REL: variants seen among roughly 807,000 people sequenced by gnomAD.
REL encodes the protein proto-oncogene c-Rel.
Under a neutral mutation model 45.9 loss-of-function variants are expected in REL, and 15 were observed. The observed-to-expected ratio is 0.33, with a 90% CI of 0.22 to 0.50. The LOEUF (loss-of-function observed/expected upper bound fraction) is 0.50. REL is among the 20% of genes least tolerant of loss of function. REL has a pLI of 0.98. For missense variants in REL, 601 were observed against 715.2 expected, an observed-to-expected ratio of 0.84 and a Z score of 1.82; for synonymous variants, 239 against 242.1, an observed-to-expected ratio of 0.99 and a Z score of 0.12.
chr2:60,917,042 T>G (rs753473951), intron 5 of REL, 25 bp downstream of exon 5: 1 of 1,587,296 alleles, frequency 6.3e-7, no homozygotes, highest in Non-Finnish European at 8.6e-7. Context: ...TTCTTATATT[T>G]GTAGTCTTAA....
intron 3 of REL, among the ~76,000 whole-genome samples, chr2:60,898,703 A>T (rs1673420627): frequency 6.6e-6 from 1 of 152,226 alleles, no homozygotes; most frequent in Non-Finnish European, 1.5e-5. Context: ...GTAGCATGAA[A>T]GCAGCCATAG....
intron 4 of REL, among the ~76,000 whole-genome samples, chr2:60,908,971 A>C (rs1225209598): frequency 2.0e-5 from 3 of 152,204 alleles, no homozygotes; most frequent in Admixed American, 2.0e-4. Context: ...TGAAAACTTA[A>C]AGTTTGAAAA....
intron 3 of REL, among the ~76,000 whole-genome samples, chr2:60,896,890 T>C (rs1000422076): frequency 6.6e-6 from 1 of 152,200 alleles, no homozygotes; most frequent in Admixed American, 6.5e-5. Flanking sequence ...CCATTAAGGA[T>C]TACACACTAT....
In REL at chr2:60,914,595, A is replaced by G. The variant is rs562059872; in HGVS notation, c.395-2282A>G. On this transcript the variant is annotated intron_variant, in intron 4 of 9. Transcript: ENST00000394479. ...GAATATGTCCTGCTACATAACCACAATCAAGCTATGGAACATTTCCATCAC... is the reference window on the plus strand; with the variant it reads ...GAATATGTCCTGCTACATAACCACAGTCAAGCTATGGAACATTTCCATCAC... Among the ~76,000 whole-genome samples, 35 of 152,288 alleles carry G rather than the reference A, an allele frequency of 2.3e-4. 1 individual carries two copies. The South Asian group carries it at 7.0e-3, about 31-fold the overall frequency.
At position 60,927,513 on chromosome 2, in the gene REL, C is replaced by T. The variant is rs1310368677; in HGVS notation, c.*4978C>T. ...ATAGCCCTGACCTTGCTACTTCTCT[C>T]CACTTTATGTGGCAGGTTTAATCTC... is the stretch of plus-strand genomic sequence containing the variant. On this transcript the variant is annotated 3_prime_UTR_variant, in exon 10 of 10. Transcript: ENST00000394479. The T allele has an allele frequency of 4.4e-6, 1 of 229,088 alleles. No homozygotes were observed. Among genetic ancestry groups the T allele is most frequent in the Non-Finnish European group, 8.7e-6 (1 of 115,410 alleles). The allele number at this position is 229,088 out of a possible 1,614,324, so 14.2% of individuals were successfully genotyped here.
intron 9 of REL, among the ~76,000 whole-genome samples, 199 bp from the exon 10 acceptor site, chr2:60,921,564 G>A (rs2103988090): frequency 6.6e-6 from 1 of 152,098 alleles, no homozygotes; most frequent in South Asian, 2.1e-4. Context: ...TTTGTAAAAT[G>A]GTATATACGT....
chr2:60,910,991 T>C (rs1673798727), intron 4 of REL, among the ~76,000 whole-genome samples: 1 of 152,184 alleles, frequency 6.6e-6, no homozygotes. Flanking sequence ...CACTGCATTT[T>C]GTATTATAGA....
chr2:60,882,987 G>C (rs1282083357), intron 1 of REL, among the ~76,000 whole-genome samples: 2 of 152,152 alleles, frequency 1.3e-5, no homozygotes, highest in Admixed American at 1.3e-4. Flanking sequence ...TTAAGGTTGA[G>C]GGGGACGGGA....
Position 60,916,961 on chromosome 2 carries a change from A to T in REL, c.479A>T (p.His160Leu), listed in dbSNP as rs771219162. The change falls in exon 5 of 10, where the codon CAT becomes CTT. Residue 160 changes from histidine (H) to leucine (L), a missense_variant. This residue lies in a region of REL where 241 missense variants were observed against 347.0 expected (regional missense o/e 0.69). Transcript: ENST00000394479. Reference sequence around the variant, plus strand: ...TTTCAAGTTTTTCTCCCTGATGAACATGGTAATTTGACGACTGCTCTTCCT... The same window carrying T: ...TTTCAAGTTTTTCTCCCTGATGAACTTGGTAATTTGACGACTGCTCTTCCT... ...LCFQVFLPDEHGNLTTALPPV... is the reference protein window; with the variant it reads ...LCFQVFLPDELGNLTTALPPV... The T allele has an allele frequency of 1.9e-6, 3 of 1,613,534 alleles. No individual in the cohort carries two copies. The highest frequency in any genetic ancestry group is 1.1e-5 in the South Asian group (1 of 91,052).
In REL at chr2:60,921,909, T is replaced by C; in HGVS notation, c.1138T>C (p.Trp380Arg). 1 of 1,614,130 alleles carries C rather than the reference T, an allele frequency of 6.2e-7. No individual in the cohort carries two copies. Among genetic ancestry groups the C allele is most frequent in the Admixed American group, 1.7e-5 (1 of 60,004 alleles). The change falls in exon 10 of 10, where the codon TGG becomes CGG. Residue 380 changes from tryptophan (W) to arginine (R), a missense_variant. Around this residue, in one of 4 missense-constraint regions of REL, gnomAD observed 334 missense variants for 333.1 expected, o/e 1.00. Transcript: ENST00000394479. ...AATGGCACCTCTGCCTTCTTCAAGC[T>C]GGTCATCAGTGGCCCACCCCACCCC... ...ASMAPLPSSSWSSVAHPTPRS... is the reference protein window; with the variant it reads ...ASMAPLPSSSRSSVAHPTPRS...
intron 8 of REL, 121 bp from the exon 9 acceptor site, chr2:60,920,453 G>A: frequency 1.3e-6 from 1 of 747,678 alleles, no homozygotes; most frequent in Non-Finnish European, 2.4e-6. Context: ...CACCCACCTT[G>A]GCCTCCCAAA....
In REL at chr2:60,926,136, C is replaced by A; in HGVS notation, c.*3601C>A. The A allele has an allele frequency of 4.3e-6, 1 of 231,718 alleles. No homozygotes were observed. The highest frequency in any genetic ancestry group is 8.6e-6 in the Non-Finnish European group (1 of 116,772). The allele number at this position is 231,718 out of a possible 1,614,324, so 14.4% of individuals were successfully genotyped here. On this transcript the variant is annotated 3_prime_UTR_variant, in exon 10 of 10. Coordinates refer to ENST00000394479, the MANE Select transcript of REL (RefSeq NM_001291746.2). ...CTGAACTCTACTTGTGCACTGGATCCCTCCTCCTTTCTCTGCCAGGCTGTG... is the reference window on the plus strand; with the variant it reads ...CTGAACTCTACTTGTGCACTGGATCACTCCTCCTTTCTCTGCCAGGCTGTG...
chr2:60,920,043 A>G lies in REL; in HGVS notation c.856A>G (p.Thr286Ala), dbSNP rs1674095130. ...TTTCCTGGTTTCTTTCTAATCAGAT[A>G]CTTACGGCAATAAAGCAAAGAAACA... ...DFRYLPDEKD[T>A]YGNKAKKQKT... The change falls in exon 8 of 10, where the codon ACT becomes GCT. Residue 286 changes from threonine to alanine, a missense_variant and splice_region_variant. Thr to Ala is a moderately conservative substitution (Grantham distance 58). This residue lies in a region of REL where 241 missense variants were observed against 347.0 expected (regional missense o/e 0.69). Coordinates refer to ENST00000394479, the MANE Select transcript of REL (RefSeq NM_001291746.2). 1.2e-6 allele frequency: 2 copies of G among 1,606,120 alleles called. No homozygotes were observed. Among genetic ancestry groups the G allele is most frequent in the African/African-American group, 1.3e-5 (1 of 74,632 alleles).
intron 3 of REL, chr2:60,899,995 C>T (rs1264986957): frequency 2.0e-5 from 3 of 152,052 alleles, no homozygotes; most frequent in Middle Eastern, 3.2e-3. Context: ...GAATTCAGGG[C>T]TCAAAAAGCA....
rs1414699898 is a variant in REL, at chr2:60,894,468, T to C, written c.225T>C (p.His75=). ...LVTKNDPYKP[H]PHDLVGKDCR... ...CAAAGAATGACCCATATAAACCTCA[T>C]CCTCATGATTTAGTTGGAAAAGACT... Residue 75 remains histidine (H), a synonymous_variant, in exon 3 of 10, where the codon CAT becomes CAC. Coordinates refer to ENST00000394479, the MANE Select transcript of REL (RefSeq NM_001291746.2). 2 of 1,609,086 alleles carry C rather than the reference T, an allele frequency of 1.2e-6. No individual in the cohort carries two copies. The highest frequency in any genetic ancestry group is 1.1e-5 in the South Asian group (1 of 90,374).
At position 60,901,196 on chromosome 2, in the gene REL, G is replaced by A. The variant is rs558092106; in HGVS notation, c.394+113G>A. The A allele has an allele frequency of 1.3e-3, 1,593 of 1,259,046 alleles. 4 individuals are homozygous for A. Among genetic ancestry groups the A allele is most frequent in the Non-Finnish European group, 1.5e-3 (1,459 of 1,001,202 alleles). The allele number at this position is 1,259,046 out of a possible 1,614,324, so 78.0% of individuals were successfully genotyped here. A position where few individuals can be genotyped will look rare whatever the true frequency, so the allele number is the denominator to read the frequency against. Reference sequence around the variant, plus strand: ...TTTGAGACGGAGTTTTGCTCTTGTCGCCAGGCTGGAGTGCAATGGCGCGAT... The same window carrying A: ...TTTGAGACGGAGTTTTGCTCTTGTCACCAGGCTGGAGTGCAATGGCGCGAT... On this transcript the variant is annotated intron_variant, in intron 4 of 9. Transcript: ENST00000394479.
At chr2:60,903,441 A>G (rs1182240036) in intron 4 of REL, among the ~76,000 whole-genome samples, 3 of 151,850 alleles carry the variant, frequency 2.0e-5, no homozygotes, top group Non-Finnish European at 1.5e-5. Flanking sequence ...TGATGTGATC[A>G]CAGCTCACTG....
At chr2:60,917,335 C>T (rs547012321) in intron 5 of REL, among the ~76,000 whole-genome samples, 1 of 152,182 alleles carries the variant, frequency 6.6e-6, no homozygotes, top group Non-Finnish European at 1.5e-5. Context: ...TAACTTTCTT[C>T]TTACCATATA....
chr2:60,881,942 G>C, intron 1 of REL, 92 bp downstream of exon 1: 1 of 840,458 alleles, frequency 1.2e-6, no homozygotes, highest in Non-Finnish European at 1.7e-6. Context: ...CTCAGTTTTT[G>C]CTGGGGCGCG....
Sources: allele counts gnomAD v4.1 joint callset (sites outside exome capture counted in the v4.1 genomes callset), GRCh38; gene constraint gnomAD v4.1.1; regional missense constraint gnomAD v4.1.1; transcripts MANE v1.5; gene names NCBI Gene and HGNC (gene_info 2026-07-23, HGNC 2026-07-21).